Variants in GLIS3 observed in about 807,000 individuals in gnomAD.
GLIS3 encodes the protein zinc finger protein GLIS3.
In GLIS3, 53 loss-of-function variants were observed where a neutral mutation model predicts 78.6. The observed-to-expected ratio is 0.67, with a 90% CI of 0.54 to 0.85. GLIS3 has a LOEUF of 0.85. Ranked by LOEUF, GLIS3 falls within the 40% of genes least tolerant of loss-of-function variation. GLIS3 has a pLI of 0.00. For missense variants in GLIS3, 1,703 were observed against 1,231.1 expected (o/e 1.38, Z -5.74); for synonymous variants, 684 against 509.9 (o/e 1.34, Z -4.60).
chr9:4,018,239 T>A (rs745390009), intron 4 of GLIS3, among the ~76,000 whole-genome samples: 1 of 152,194 alleles, frequency 6.6e-6, no homozygotes, highest in African/African-American at 2.4e-5. Flanking sequence ...GAGAACTGAA[T>A]ATAAAATGAG....
chr9:3,913,866 T>TTCA (rs753229815), intron 6 of GLIS3, among the ~76,000 whole-genome samples: 112 of 152,324 alleles, frequency 7.4e-4, no homozygotes, highest in Middle Eastern at 6.8e-3. Context: ...AGTCCTTCTT[T>TTCA]TCACATGAAA....
chr9:4,314,808 A>C (rs1044392784), intron 2 of GLIS3, among the ~76,000 whole-genome samples: 1 of 152,178 alleles, frequency 6.6e-6, no homozygotes, highest in African/African-American at 2.4e-5. Flanking sequence ...CTGAGCCTTC[A>C]TAGGGCTGTA....
chr9:4,240,256 G>C (rs1823173312), intron 2 of GLIS3, among the ~76,000 whole-genome samples: 1 of 151,952 alleles, frequency 6.6e-6, no homozygotes, highest in African/African-American at 2.4e-5. Flanking sequence ...ACATTAGTTA[G>C]ATTATCATAA....
chr9:4,470,528 G>A, the GLIS3 span, among the ~76,000 whole-genome samples: 1 of 152,174 alleles, frequency 6.6e-6, no homozygotes. Context: ...AATAGATGCA[G>A]AAAAGGCCTT....
intron 2 of GLIS3, among the ~76,000 whole-genome samples, chr9:4,340,996 C>T (rs1587394877): frequency 1.3e-5 from 2 of 152,300 alleles, no homozygotes; most frequent in East Asian, 1.9e-4. Flanking sequence ...ATTTTAGCAA[C>T]TCTGCAAACA....
chr9:4,282,798 T>C (rs1248929105), intron 2 of GLIS3, among the ~76,000 whole-genome samples: 1 of 152,112 alleles, frequency 6.6e-6, no homozygotes, highest in African/African-American at 2.4e-5. Context: ...ATTTGTCTAT[T>C]TCTCTGGAAA....
At chr9:4,131,639 C>T (rs961386822) in intron 2 of GLIS3, among the ~76,000 whole-genome samples, 4 of 152,190 alleles carry the variant, frequency 2.6e-5, no homozygotes, top group Non-Finnish European at 4.4e-5. Flanking sequence ...TTGAAAGTTT[C>T]CTGAGGCCAC....
chr9:3,898,913 T>TATCA (rs1823076692), intron 6 of GLIS3, 78 bp from the exon 7 acceptor site: 6 of 1,595,714 alleles, frequency 3.8e-6, no homozygotes, highest in Admixed American at 1.7e-5. Context: ...CATCATGCTC[T>TATCA]ATCAGTGCAA....
chr9:3,835,619 A>G (rs1332688693), intron 9 of GLIS3, among the ~76,000 whole-genome samples: 3 of 152,228 alleles, frequency 2.0e-5, no homozygotes, highest in African/African-American at 4.8e-5. Flanking sequence ...CTTTGCTGCA[A>G]TCATTGTAAT....
At chr9:4,438,906 A>G in the GLIS3 span, among the ~76,000 whole-genome samples, 1 of 152,210 alleles carries the variant, frequency 6.6e-6, no homozygotes, top group Non-Finnish European at 1.5e-5. Flanking sequence ...TGTCTTTATT[A>G]GCAGCGTGAG....
intron 1 of GLIS3, among the ~76,000 whole-genome samples, chr9:4,287,069 C>A (rs890180857): frequency 2.0e-5 from 3 of 152,142 alleles, no homozygotes; most frequent in African/African-American, 4.8e-5. Context: ...CCTGGGAATA[C>A]CATAAAATTT....
the GLIS3 span, among the ~76,000 whole-genome samples, chr9:4,363,723 T>A: frequency 6.6e-6 from 1 of 152,188 alleles, no homozygotes; most frequent in East Asian, 1.9e-4. Context: ...CTGGTTCACG[T>A]CTTTGCTCTA....
chr9:4,440,714 C>A, the GLIS3 span, among the ~76,000 whole-genome samples: 1 of 152,130 alleles, frequency 6.6e-6, no homozygotes, highest in Non-Finnish European at 1.5e-5. Context: ...GGTATTTTGA[C>A]AGGGGTTGCA....
At chr9:3,866,256 T>C (rs1164284426) in intron 8 of GLIS3, among the ~76,000 whole-genome samples, 2 of 152,124 alleles carry the variant, frequency 1.3e-5, no homozygotes, top group Non-Finnish European at 2.9e-5. Flanking sequence ...TGTAGTGTAA[T>C]AGAAGCAATT....
At chr9:4,488,729 G>A in the GLIS3 span, among the ~76,000 whole-genome samples, 4 of 152,176 alleles carry the variant, frequency 2.6e-5, no homozygotes, top group South Asian at 6.2e-4. Flanking sequence ...TGTTGGCCAG[G>A]CTGGTCTCGA....
intron 2 of GLIS3, among the ~76,000 whole-genome samples, chr9:4,220,316 A>T (rs1423039586): frequency 1.3e-5 from 2 of 152,252 alleles, no homozygotes; most frequent in African/African-American, 2.4e-5. Flanking sequence ...ATGAGCAATA[A>T]GATATTTAAA....
intron 1 of GLIS3, among the ~76,000 whole-genome samples, chr9:4,288,900 T>C (rs1462119457): frequency 6.6e-6 from 1 of 152,168 alleles, no homozygotes; most frequent in Non-Finnish European, 1.5e-5. Flanking sequence ...CATGAAAATA[T>C]GGCGAATATT....
intron 3 of GLIS3, among the ~76,000 whole-genome samples, chr9:4,120,426 T>A (rs1832087835): frequency 6.6e-6 from 1 of 152,216 alleles, no homozygotes; most frequent in Non-Finnish European, 1.5e-5. Flanking sequence ...TAAATTCGGG[T>A]TGTAGTCTTT....
At chr9:4,061,667 G>A (rs913267893) in intron 4 of GLIS3, among the ~76,000 whole-genome samples, 10 of 151,976 alleles carry the variant, frequency 6.6e-5, no homozygotes, top group African/African-American at 1.7e-4. Context: ...TTAGAGTCTC[G>A]GGTACAAATG....
Sources: gnomAD v4.1 joint callset for allele counts (sites outside exome capture counted in the v4.1 genomes callset) on GRCh38, gnomAD v4.1.1 for gene constraint, MANE v1.5 for transcripts, NCBI Gene and HGNC (gene_info 2026-07-23, HGNC 2026-07-21) for gene names.